MAN1A1: variants seen among roughly 807,000 people sequenced by gnomAD.
The protein encoded by MAN1A1 is mannosidase alpha class 1A member 1.
In MAN1A1, 29 loss-of-function variants were observed where a neutral mutation model predicts 70.8. That is an observed-to-expected ratio of 0.41 (90% CI 0.31 to 0.56). MAN1A1 has a LOEUF of 0.56. Ranked by LOEUF, MAN1A1 falls within the 20% of genes least tolerant of loss-of-function variation. MAN1A1 has a pLI of 0.29. For synonymous variants in MAN1A1, 349 were observed against 330.1 expected, an observed-to-expected ratio of 1.06 and a Z score of -0.62; for missense variants, 747 against 841.3, an observed-to-expected ratio of 0.89 and a Z score of 1.39.
chr6:119,191,465 G>T (rs954976519), intron 9 of MAN1A1, among the ~76,000 whole-genome samples: 1 of 152,052 alleles, frequency 6.6e-6, no homozygotes, highest in African/African-American at 2.4e-5. Context: ...TGTGGCCATG[G>T]GAAATATAAA....
intron 6 of MAN1A1, among the ~76,000 whole-genome samples, chr6:119,219,462 G>C (rs1774297501): frequency 6.6e-6 from 1 of 152,154 alleles, no homozygotes; most frequent in Admixed American, 6.5e-5. Flanking sequence ...CCACCTTATA[G>C]AGTTTTAGTG....
At chr6:119,314,823 A>C (rs940378550) in intron 2 of MAN1A1, among the ~76,000 whole-genome samples, 8 of 151,990 alleles carry the variant, frequency 5.3e-5, no homozygotes, top group African/African-American at 1.9e-4. Flanking sequence ...CAATTCTCAC[A>C]GCCTTCCTCC....
intron 6 of MAN1A1, among the ~76,000 whole-genome samples, chr6:119,240,928 G>A (rs1774986573): frequency 6.6e-6 from 1 of 152,136 alleles, no homozygotes; most frequent in Non-Finnish European, 1.5e-5. Flanking sequence ...TCATCTGGTG[G>A]GAGGGTAATC....
chr6:119,185,721 C>T (rs377078368), intron 11 of MAN1A1, among the ~76,000 whole-genome samples: 76 of 152,050 alleles, frequency 5.0e-4, no homozygotes, highest in African/African-American at 1.5e-3. Flanking sequence ...GGACTACAGG[C>T]GCCCGCCACC....
rs1055453812 is a variant in MAN1A1, at chr6:119,178,803, A to C, written c.*1016T>G. On this transcript the variant is annotated 3_prime_UTR_variant, in exon 13 of 13. Transcript: ENST00000368468. Reference sequence around the variant, plus strand: ...TGCTTTCACAAACTGAAAGGAAATAATTTACTACATCTGAGATAGAGCCTT... The same window carrying C: ...TGCTTTCACAAACTGAAAGGAAATACTTTACTACATCTGAGATAGAGCCTT... 11 of 152,186 alleles carry C rather than the reference A, an allele frequency of 7.2e-5. No individual in the cohort carries two copies. The highest frequency in any genetic ancestry group is 2.7e-4 in the African/African-American group (11 of 41,456). The allele number at this position is 152,186 out of a possible 1,614,324, so 9.4% of individuals were successfully genotyped here.
At chr6:119,201,126 A>T in intron 8 of MAN1A1, 128 bp downstream of exon 8, 1 of 676,744 alleles carries the variant, frequency 1.5e-6, no homozygotes, top group Non-Finnish European at 2.6e-6. Context: ...CCTGTTTATT[A>T]AAGGAGCCAT....
intron 5 of MAN1A1, among the ~76,000 whole-genome samples, chr6:119,289,645 A>C (rs1370724067): frequency 6.6e-6 from 1 of 151,992 alleles, no homozygotes; most frequent in African/African-American, 2.4e-5. Context: ...ATATAGATGA[A>C]TACAGAAGTC....
chr6:119,278,377 C>A (rs941513249), intron 5 of MAN1A1, among the ~76,000 whole-genome samples: 3 of 152,156 alleles, frequency 2.0e-5, no homozygotes, highest in African/African-American at 7.2e-5. Flanking sequence ...GCTCTAGAGT[C>A]ATAATGTTTG....
intron 6 of MAN1A1, among the ~76,000 whole-genome samples, chr6:119,247,551 A>G (rs1775199637): frequency 6.6e-6 from 1 of 152,210 alleles, no homozygotes; most frequent in South Asian, 2.1e-4. Flanking sequence ...GCTTAAGACA[A>G]AATCGTTTAT....
At chr6:119,331,900 G>A (rs1773327059) in intron 2 of MAN1A1, 2 of 488,306 alleles carry the variant, frequency 4.1e-6, no homozygotes, top group South Asian at 1.5e-5. Flanking sequence ...AGAGATGAGT[G>A]CACAAGAAGA....
intron 12 of MAN1A1, 122 bp from the exon 13 acceptor site, chr6:119,180,067 CA>C: frequency 9.6e-7 from 1 of 1,044,350 alleles, no homozygotes; most frequent in South Asian, 1.5e-5. Context: ...GGACAAGAGT[CA>C]AATATATCAA....
chr6:119,179,661 C>T lies in MAN1A1; in HGVS notation c.*158G>A. The T allele has an allele frequency of 3.5e-6, 2 of 569,766 alleles. No individual in the cohort carries two copies. The highest frequency in any genetic ancestry group is 6.0e-6 in the Non-Finnish European group (2 of 335,690). The allele number at this position is 569,766 out of a possible 1,614,324, so 35.3% of individuals were successfully genotyped here. A position where few individuals can be genotyped will look rare whatever the true frequency, so the allele number is the denominator to read the frequency against. Reference sequence around the variant, plus strand: ...GATATGATAAGGAATTTAGGTCCACCTATACCTATGATAATAAACATAAAA... The same window carrying T: ...GATATGATAAGGAATTTAGGTCCACTTATACCTATGATAATAAACATAAAA... On this transcript the variant is annotated 3_prime_UTR_variant, in exon 13 of 13. Transcript: ENST00000368468.
chr6:119,260,877 T>C (rs1006433276), intron 5 of MAN1A1, among the ~76,000 whole-genome samples: 5 of 152,124 alleles, frequency 3.3e-5, no homozygotes, highest in African/African-American at 1.2e-4. Flanking sequence ...GGCAGGCAAA[T>C]GCCTCTTTAG....
chr6:119,266,976 T>C (rs1342667929), intron 5 of MAN1A1, among the ~76,000 whole-genome samples: 1 of 152,222 alleles, frequency 6.6e-6, no homozygotes, highest in African/African-American at 2.4e-5. Context: ...TAAATAAGTA[T>C]ATGGAAAGAT....
In MAN1A1 at chr6:119,348,622, T is replaced by G; in HGVS notation, c.444A>C (p.Arg148Ser). Reference protein sequence around the residue: ...TLQKLPEEIQRDILLEKKKVA... With the variant: ...TLQKLPEEIQSDILLEKKKVA... ...CCTTCTTCTTCTCCAGTAGGATGTC[T>G]CTTTGGATCTCCTCGGGCAGCTTCT... The change falls in exon 2 of 13, where the codon AGA (arginine) becomes AGC (serine). Residue 148 changes from arginine to serine, a missense_variant. This residue lies in a region of MAN1A1 where 328 missense variants were observed against 293.1 expected (regional missense o/e 1.12). Transcript: ENST00000368468. The G allele has an allele frequency of 6.2e-7, 1 of 1,613,948 alleles. No individual in the cohort carries two copies. Among genetic ancestry groups the G allele is most frequent in the Non-Finnish European group, 8.5e-7 (1 of 1,179,924 alleles).
chr6:119,291,479 T>C (rs1410613092), intron 4 of MAN1A1, among the ~76,000 whole-genome samples: 1 of 152,088 alleles, frequency 6.6e-6, no homozygotes, highest in African/African-American at 2.4e-5. Flanking sequence ...CAACAGCAGA[T>C]ACAATATTTG....
At chr6:119,248,154 T>TAC in intron 6 of MAN1A1, 106 bp downstream of exon 6, 1 of 715,180 alleles carries the variant, frequency 1.4e-6, no homozygotes, top group South Asian at 2.0e-5. Context: ...TGGAGTCTGT[T>TAC]AGTCACCAGT....
At chr6:119,321,936 A>G (rs994600264) in intron 2 of MAN1A1, among the ~76,000 whole-genome samples, 1 of 152,064 alleles carries the variant, frequency 6.6e-6, no homozygotes, top group African/African-American at 2.4e-5. Context: ...GTTTACTTTG[A>G]GCAATGGTAA....
At chr6:119,350,132 G>A (rs1319199039), upstream of MAN1A1, among the ~76,000 whole-genome samples, 1 of 152,188 alleles carries the variant, frequency 6.6e-6, no homozygotes, top group Non-Finnish European at 1.5e-5. Context: ...GGAGGCGCCT[G>A]GGTCCGCGCG....
Sources: gnomAD v4.1 joint callset for allele counts (sites outside exome capture counted in the v4.1 genomes callset) on GRCh38, gnomAD v4.1.1 for gene constraint, gnomAD v4.1.1 regional missense constraint, MANE v1.5 for transcripts, NCBI Gene and HGNC (gene_info 2026-07-23, HGNC 2026-07-21) for gene names.